The following FGF14 variants were observed in gnomAD, a reference collection of about 807,000 sequenced individuals.
FGF14 encodes fibroblast growth factor 14, also known as fibroblast growth factor homologous factor 4.
A neutral mutation model predicts 25.5 loss-of-function variants in FGF14; 5 were observed. That is an observed-to-expected ratio of 0.20 (90% confidence interval 0.10 to 0.41). The LOEUF (loss-of-function observed/expected upper bound fraction) is 0.41. Among genes scored for constraint, FGF14 ranks in the 10% least tolerant of loss-of-function variants. The pLI is 1.00. For missense variants in FGF14, 222 were observed against 320.1 expected (o/e 0.69, Z 2.34); for synonymous variants, 138 against 118.3 (o/e 1.17, Z -1.08).
intron 3 of FGF14, among the ~76,000 whole-genome samples, chr13:101,789,051 G>T (rs2040080181): frequency 6.7e-6 from 1 of 149,562 alleles, no homozygotes; most frequent in Non-Finnish European, 1.5e-5. Flanking sequence ...CCCATGATTT[G>T]GTTTTCCAAA....
intron 1 of FGF14, among the ~76,000 whole-genome samples, chr13:102,004,215 C>T (rs1278733656): frequency 6.6e-6 from 1 of 152,144 alleles, no homozygotes; most frequent in Non-Finnish European, 1.5e-5. Flanking sequence ...AGGGACATTC[C>T]TAATAAACTT....
intron 3 of FGF14, among the ~76,000 whole-genome samples, chr13:101,766,511 A>G (rs1233714846): frequency 6.6e-6 from 1 of 152,182 alleles, no homozygotes; most frequent in East Asian, 1.9e-4. Context: ...CAGGCAAAAT[A>G]GACACAGAAG....
At chr13:102,058,185 G>C (rs1387287725) in intron 1 of FGF14, among the ~76,000 whole-genome samples, 1 of 152,192 alleles carries the variant, frequency 6.6e-6, no homozygotes, top group African/African-American at 2.4e-5. Context: ...CTGCTTATAT[G>C]GATGTGATGG....
At chr13:101,949,424 G>C (rs1188672783) in intron 1 of FGF14, among the ~76,000 whole-genome samples, 1 of 152,228 alleles carries the variant, frequency 6.6e-6, no homozygotes, top group South Asian at 2.1e-4. Flanking sequence ...CTTGGCTGCG[G>C]AACTGCAGAA....
At chr13:102,055,385 C>T (rs999693557) in intron 1 of FGF14, among the ~76,000 whole-genome samples, 3 of 152,210 alleles carry the variant, frequency 2.0e-5, no homozygotes, top group Non-Finnish European at 2.9e-5. Flanking sequence ...TAATCTCTGT[C>T]TCTTTGTTGT....
chr13:101,835,718 C>T (rs1009801857), intron 3 of FGF14, among the ~76,000 whole-genome samples: 1 of 151,928 alleles, frequency 6.6e-6, no homozygotes, highest in Non-Finnish European at 1.5e-5. Flanking sequence ...AGATGGAGGT[C>T]TCTGGAGAGA....
rs2037609137 is a variant in FGF14, at chr13:101,755,806, C to T, written c.409-28996G>A. On this transcript the variant is annotated intron_variant, in intron 3 of 4. Transcript: ENST00000376143. ...CTCTAATTTGCAAAGGAAAGTTTAGCCCCATGTCAGCTTTAGGCTGGGTTA... is the reference window on the plus strand; with the variant it reads ...CTCTAATTTGCAAAGGAAAGTTTAGTCCCATGTCAGCTTTAGGCTGGGTTA... 7.2e-5 allele frequency among the ~76,000 whole-genome samples: 11 copies of T among 152,310 alleles called. No individual in the cohort carries two copies. The South Asian group carries it at 1.5e-3, about 20-fold the overall frequency.
intron 1 of FGF14, among the ~76,000 whole-genome samples, chr13:102,075,652 T>A (rs1290246376): frequency 6.6e-6 from 1 of 152,224 alleles, no homozygotes; most frequent in African/African-American, 2.4e-5. Context: ...TAGAGTGTAC[T>A]CCTAACTATA....
intron 1 of FGF14, among the ~76,000 whole-genome samples, chr13:101,895,754 A>C (rs1353693541): frequency 6.6e-6 from 1 of 152,212 alleles, no homozygotes; most frequent in Non-Finnish European, 1.5e-5. Context: ...CAAAAATGAA[A>C]GGAGAGATTT....
chr13:101,754,268 G>A lies in FGF14; in HGVS notation c.409-27458C>T, dbSNP rs970494595. Among the ~76,000 whole-genome samples the A allele has an allele frequency of 3.3e-5, 5 of 152,294 alleles. No homozygotes were observed. In the East Asian group the frequency reaches 9.7e-4, roughly 29 times the overall value. On this transcript the variant is annotated intron_variant, in intron 3 of 4. Transcript: ENST00000376143. ...ATGGACAAAGGAGCCATCCACCCAT[G>A]TGTGTTTCCTCCTGCCTTAATAAAA...
Position 102,032,389 on chromosome 13 carries a change from G to A in FGF14, c.209-157093C>T, listed in dbSNP as rs1411932397. ...GGCAACAAGAGAGGCAAAGAGAGCT[G>A]GAGGAATTGCACAAAAAAATAAAAC... is the stretch of plus-strand genomic sequence containing the variant. On this transcript the variant is annotated intron_variant, in intron 1 of 4. Coordinates refer to the FGF14 transcript ENST00000376131. 2.0e-5 allele frequency among the ~76,000 whole-genome samples: 3 copies of A among 152,004 alleles called. No individual in the cohort carries two copies. The East Asian group carries it at 5.8e-4, about 29-fold the overall frequency.
At chr13:102,018,986 T>C (rs931111722) in intron 1 of FGF14, among the ~76,000 whole-genome samples, 2 of 152,164 alleles carry the variant, frequency 1.3e-5, no homozygotes, top group Non-Finnish European at 2.9e-5. Flanking sequence ...TGTGTCATTA[T>C]AATCTACCAC....
intron 1 of FGF14, among the ~76,000 whole-genome samples, chr13:101,958,084 A>G (rs778875767): frequency 3.3e-5 from 5 of 152,212 alleles, no homozygotes; most frequent in Non-Finnish European, 5.9e-5. Context: ...TCTGTAAACA[A>G]CTTTCACCTG....
At position 101,721,076 on chromosome 13, in the gene FGF14, A is replaced by G. The variant is rs1367181472; in HGVS notation, c.*1755T>C. 1 of 152,134 alleles carries G rather than the reference A, an allele frequency of 6.6e-6. No individual in the cohort carries two copies. Among genetic ancestry groups the G allele is most frequent in the Non-Finnish European group, 1.5e-5 (1 of 68,000 alleles). The allele number at this position is 152,134 out of a possible 1,614,324, so 9.4% of individuals were successfully genotyped here. On this transcript the variant is annotated 3_prime_UTR_variant, in exon 5 of 5. Coordinates refer to ENST00000376143, the MANE Select transcript of FGF14 (RefSeq NM_004115.4). ...AAAATGATGACTGGGTCATCCTCCC[A>G]CATAGAAAGAATAACAAGAGGCCAG...
chr13:101,753,302 C>G (rs7491335), intron 3 of FGF14, among the ~76,000 whole-genome samples: 34 of 126,400 alleles, frequency 2.7e-4, no homozygotes, highest in African/African-American at 1.2e-3. Flanking sequence ...CAGACAGACA[C>G]ACACACACAC....
chr13:101,939,572 T>G (rs1159493689), intron 1 of FGF14, among the ~76,000 whole-genome samples: 2 of 152,178 alleles, frequency 1.3e-5, no homozygotes, highest in Non-Finnish European at 2.9e-5. Context: ...TAATGCGAAA[T>G]CCTAAAATGC....
At chr13:101,880,859 T>C (rs2045670204) in intron 1 of FGF14, among the ~76,000 whole-genome samples, 1 of 152,222 alleles carries the variant, frequency 6.6e-6, no homozygotes. Context: ...TTAAAGTGGC[T>C]ATATATCTAT....
At chr13:102,223,206 C>T (rs1252066607) in intron 1 of FGF14, among the ~76,000 whole-genome samples, 1 of 152,038 alleles carries the variant, frequency 6.6e-6, no homozygotes, top group African/African-American at 2.4e-5. Flanking sequence ...TATGTAAGAC[C>T]ACTTTACTAA....
chr13:102,338,319 G>GC (rs1023887512), intron 1 of FGF14, among the ~76,000 whole-genome samples: 13 of 152,184 alleles, frequency 8.5e-5, no homozygotes, highest in Admixed American at 5.2e-4. Context: ...TGACATCCAT[G>GC]CCCCCCCTTC....
Sources: gnomAD v4.1 joint callset for allele counts (sites outside exome capture counted in the v4.1 genomes callset) on GRCh38, gnomAD v4.1.1 for gene constraint, MANE v1.5 for transcripts, NCBI Gene and HGNC (gene_info 2026-07-23, HGNC 2026-07-21) for gene names.